Variants in FBXO10 observed in about 807,000 individuals in gnomAD.
The protein encoded by FBXO10 is F-box only protein 10.
Under a neutral mutation model 80.7 loss-of-function variants are expected in FBXO10, and 39 were observed. The ratio of observed to expected loss-of-function variants is 0.48; its 90% CI spans 0.37 to 0.63. The LOEUF (loss-of-function observed/expected upper bound fraction) is 0.63, where lower values mean the gene tolerates loss of function less well. FBXO10 is among the 30% of genes least tolerant of loss of function. The pLI, the probability that FBXO10 is intolerant of heterozygous loss-of-function variation, is 0.00. For missense variants in FBXO10, 1,025 were observed against 1,269.0 expected (o/e 0.81, Z 2.92); for synonymous variants, 449 against 489.6 (o/e 0.92, Z 1.09).
chr9:37,524,740 C>T, intron 6 of FBXO10, among the ~76,000 whole-genome samples: 1 of 152,170 alleles, frequency 6.6e-6, no homozygotes, highest in Non-Finnish European at 1.5e-5. Flanking sequence ...AGCTAAGACC[C>T]AAAGGATAAG....
intron 6 of FBXO10, among the ~76,000 whole-genome samples, chr9:37,524,362 C>T (rs983788527): frequency 1.3e-5 from 2 of 152,220 alleles, no homozygotes; most frequent in Admixed American, 6.5e-5. Context: ...CGCTTCCTCT[C>T]CTAAAATGTC....
At position 37,531,890 on chromosome 9, in the gene FBXO10, G is replaced by A. The variant is rs775254010; in HGVS notation, c.1569+19C>T. The A allele has an allele frequency of 8.7e-6, 14 of 1,610,890 alleles. No individual in the cohort carries two copies. Among genetic ancestry groups the A allele is most frequent in the Admixed American group, 3.3e-5 (2 of 59,924 alleles). ...TGAAAACCAAGAGTCACCCTGAATA[G>A]GGAACGAACACAAAGTACCAGTATG... On this transcript the variant is annotated intron_variant, in intron 4 of 10. Transcript: ENST00000432825.
At chr9:37,548,157 G>A (rs894592538) in intron 1 of FBXO10, among the ~76,000 whole-genome samples, 6 of 152,164 alleles carry the variant, frequency 3.9e-5, no homozygotes, top group African/African-American at 1.2e-4. Flanking sequence ...GGCCAGGGCG[G>A]GTGGATCACC....
At chr9:37,566,594 C>A (rs74651667) in intron 1 of FBXO10, among the ~76,000 whole-genome samples, 8,923 of 152,184 alleles carry the variant, frequency 0.059, 334 homozygotes, top group South Asian at 0.17. Context: ...TAAATAACTA[C>A]AAACTGTATT....
At chr9:37,555,651 G>T (rs1011945746) in intron 1 of FBXO10, among the ~76,000 whole-genome samples, 1 of 152,136 alleles carries the variant, frequency 6.6e-6, no homozygotes, top group African/African-American at 2.4e-5. Context: ...AAAGCACTGG[G>T]ATTACAGGCG....
rs59309369 is a variant in FBXO10, at chr9:37,521,326, G to A, written c.2200+243C>T. On this transcript the variant is annotated intron_variant, in intron 8 of 10. Coordinates refer to ENST00000432825, the MANE Select transcript of FBXO10 (RefSeq NM_012166.3). ...CCACGCTGTCTGGGAAGTGAGGAGC[G>A]CCTCTCCCTGGCCCCCACACTGTCT... 1.4e-4 allele frequency among the ~76,000 whole-genome samples: 21 copies of A among 149,440 alleles called. 1 individual carries two copies. In the South Asian group the frequency reaches 1.7e-3, roughly 12 times the overall value.
In FBXO10 at chr9:37,515,966, C is replaced by G; in HGVS notation, c.2634G>C (p.Gln878His). The change falls in exon 10 of 11, where the codon CAG (glutamine) becomes CAC (histidine). Residue 878 changes from glutamine (Q) to histidine (H), a missense_variant. Physicochemically the swap from Gln to His is conservative, Grantham distance 24. Coordinates refer to ENST00000432825, the MANE Select transcript of FBXO10 (RefSeq NM_012166.3). The stretch of plus-strand genomic sequence containing the variant: ...TGCATTCTCGGTTGTTTGAGATCTG[C>G]TGAAAGATGGTCTTACTGGTTTTGC... ...FQGKTSKTIF[Q>H]QISNNRECIM... 1 of 1,614,030 alleles carries G rather than the reference C, an allele frequency of 6.2e-7. No homozygotes were observed. The highest frequency in any genetic ancestry group is 2.2e-5 in the East Asian group (1 of 44,890).
chr9:37,565,940 G>A (rs866096248), intron 1 of FBXO10, among the ~76,000 whole-genome samples: 3 of 152,164 alleles, frequency 2.0e-5, no homozygotes, highest in Non-Finnish European at 1.5e-5. Context: ...GGACATGTTG[G>A]GAGGTTCAGT....
At chr9:37,574,186 G>A (rs1169071627) in intron 1 of FBXO10, among the ~76,000 whole-genome samples, 1 of 152,086 alleles carries the variant, frequency 6.6e-6, no homozygotes, top group Non-Finnish European at 1.5e-5. Context: ...AAGAATCTGA[G>A]GTCCCTAAGG....
At chr9:37,555,891 C>T (rs1357863033) in intron 1 of FBXO10, among the ~76,000 whole-genome samples, 1 of 152,048 alleles carries the variant, frequency 6.6e-6, no homozygotes, top group African/African-American at 2.4e-5. Flanking sequence ...TTTCTTCTAT[C>T]TGTCTGAGAA....
At chr9:37,549,242 T>A (rs1335207268) in intron 1 of FBXO10, among the ~76,000 whole-genome samples, 2 of 152,070 alleles carry the variant, frequency 1.3e-5, no homozygotes, top group African/African-American at 4.8e-5. Flanking sequence ...CCTTTCCTTA[T>A]CCTCTCCCCT....
intron 8 of FBXO10, 111 bp downstream of exon 8, chr9:37,521,458 T>C: frequency 7.7e-7 from 1 of 1,306,294 alleles, no homozygotes; most frequent in African/African-American, 1.5e-5. Context: ...TCTTTGACAT[T>C]AAAGTTTACT....
intron 6 of FBXO10, among the ~76,000 whole-genome samples, chr9:37,524,532 G>A (rs1240085107): frequency 1.3e-5 from 2 of 152,118 alleles, no homozygotes; most frequent in African/African-American, 2.4e-5. Context: ...TCTGCTCTGT[G>A]CTGAGGCTAC....
At chr9:37,523,113 T>A in intron 6 of FBXO10, 136 bp from the exon 7 acceptor site, 1 of 940,086 alleles carries the variant, frequency 1.1e-6, no homozygotes, top group Non-Finnish European at 1.6e-6. Context: ...ATTAGCACTG[T>A]AAATCTTGTC....
chr9:37,549,952 T>C (rs1822149942), intron 1 of FBXO10, among the ~76,000 whole-genome samples: 1 of 152,174 alleles, frequency 6.6e-6, no homozygotes, highest in Non-Finnish European at 1.5e-5. Context: ...ATGTTAATAC[T>C]CTTAATTCAC....
chr9:37,563,645 T>C (rs920565842), intron 1 of FBXO10, among the ~76,000 whole-genome samples: 28 of 152,202 alleles, frequency 1.8e-4, no homozygotes, highest in African/African-American at 6.8e-4. Flanking sequence ...TAACTCTTGC[T>C]ATGCAAAGAG....
intron 1 of FBXO10, among the ~76,000 whole-genome samples, chr9:37,562,061 G>T (rs1822497043): frequency 6.6e-6 from 1 of 152,202 alleles, no homozygotes; most frequent in Non-Finnish European, 1.5e-5. Flanking sequence ...ACTGTCCAGA[G>T]CTCTGCACCT....
intron 3 of FBXO10, among the ~76,000 whole-genome samples, chr9:37,534,200 A>G (rs1353273530): frequency 1.3e-5 from 2 of 152,176 alleles, no homozygotes; most frequent in East Asian, 3.8e-4. Flanking sequence ...TACTAATAAT[A>G]TATTGCATTA....
chr9:37,544,466 C>A (rs925615528), intron 1 of FBXO10, among the ~76,000 whole-genome samples: 1 of 152,140 alleles, frequency 6.6e-6, no homozygotes, highest in Non-Finnish European at 1.5e-5. Flanking sequence ...AAACAACTGA[C>A]CTTCATCAAA....
Sources: gnomAD v4.1 joint callset for allele counts (sites outside exome capture counted in the v4.1 genomes callset) on GRCh38, gnomAD v4.1.1 for gene constraint, MANE v1.5 for transcripts, NCBI Gene and HGNC (gene_info 2026-07-23, HGNC 2026-07-21) for gene names.